HHAT: variants seen among roughly 807,000 people sequenced by gnomAD.
HHAT encodes protein-cysteine N-palmitoyltransferase HHAT.
A neutral mutation model predicts 70.8 loss-of-function variants in HHAT; 47 were observed. The ratio of observed to expected loss-of-function variants is 0.66; its 90% CI spans 0.53 to 0.85. The LOEUF (loss-of-function observed/expected upper bound fraction) is 0.85, where lower values mean the gene tolerates loss of function less well. Ranked by LOEUF, HHAT falls within the 40% of genes least tolerant of loss-of-function variation. The pLI is 0.00. For synonymous variants in HHAT, 228 were observed against 247.6 expected (o/e 0.92, Z 0.74); for missense variants, 609 against 604.8 (o/e 1.01, Z -0.07).
At chr1:210,671,731 C>T (rs2148985564) in intron 11 of HHAT, among the ~76,000 whole-genome samples, 1 of 152,328 alleles carries the variant, frequency 6.6e-6, no homozygotes, top group Middle Eastern at 3.4e-3. Flanking sequence ...TTCTGGCCTC[C>T]AGAACTAAGA....
chr1:210,465,849 TA>T (rs2094089860), intron 8 of HHAT, among the ~76,000 whole-genome samples: 1 of 152,212 alleles, frequency 6.6e-6, no homozygotes, highest in South Asian at 2.1e-4. Flanking sequence ...TTCATATGGT[TA>T]TTGCAAGGAA....
intron 9 of HHAT, among the ~76,000 whole-genome samples, chr1:210,569,753 G>A (rs1346039641): frequency 6.6e-6 from 1 of 152,120 alleles, no homozygotes; most frequent in Non-Finnish European, 1.5e-5. Flanking sequence ...GTCCCTGGGA[G>A]CCACCCCTCA....
At chr1:210,606,277 AG>A (rs1217103885) in intron 10 of HHAT, among the ~76,000 whole-genome samples, 2 of 152,066 alleles carry the variant, frequency 1.3e-5, no homozygotes, top group African/African-American at 4.8e-5. Context: ...TTGTTAATTC[AG>A]CACTCAGCAC....
intron 9 of HHAT, among the ~76,000 whole-genome samples, chr1:210,545,077 CT>C (rs201832804): frequency 5.3e-5 from 8 of 151,242 alleles, no homozygotes; most frequent in African/African-American, 1.9e-4. Context: ...ATGAGAATGG[CT>C]TTAAAAAAAA....
intron 8 of HHAT, among the ~76,000 whole-genome samples, chr1:210,494,009 T>G (rs2094592356): frequency 6.6e-6 from 1 of 152,204 alleles, no homozygotes; most frequent in African/African-American, 2.4e-5. Flanking sequence ...ATTCTTTTGT[T>G]CTTCTATTGA....
In HHAT at chr1:210,418,151, T is replaced by C. The variant is rs780273309; in HGVS notation, c.685-3T>C. The C allele has an allele frequency of 3.7e-6, 6 of 1,614,010 alleles. No individual in the cohort carries two copies. The highest frequency in any genetic ancestry group is 1.1e-5 in the South Asian group (1 of 91,074). On this transcript the variant is annotated splice_region_variant and splice_polypyrimidine_tract_variant and intron_variant, in intron 6 of 11. Coordinates refer to ENST00000261458, the MANE Select transcript of HHAT (RefSeq NM_018194.6). ...CGAATGACCTCTTTTGTTTCCACTT[T>C]AGATGCAGCAGCAGGAGCATGACTC...
chr1:210,578,023 T>G (rs190164791), intron 9 of HHAT, among the ~76,000 whole-genome samples: 20 of 152,294 alleles, frequency 1.3e-4, no homozygotes, highest in Non-Finnish European at 1.0e-4. Flanking sequence ...AGTTTGGAAG[T>G]GTTCTTTTTC....
intron 8 of HHAT, among the ~76,000 whole-genome samples, chr1:210,479,349 T>C (rs906789343): frequency 6.6e-6 from 1 of 152,170 alleles, no homozygotes; most frequent in Non-Finnish European, 1.5e-5. Context: ...GAGGAGTCCC[T>C]GCCCTCAGGG....
At chr1:210,383,778 A>G (rs1026537208) in intron 3 of HHAT, among the ~76,000 whole-genome samples, 1 of 150,936 alleles carries the variant, frequency 6.6e-6, no homozygotes, top group Non-Finnish European at 1.5e-5. Context: ...TCTCTAAAAG[A>G]TAAGGTCTGT....
At chr1:210,415,804 G>A (rs2092703503) in intron 6 of HHAT, among the ~76,000 whole-genome samples, 1 of 151,912 alleles carries the variant, frequency 6.6e-6, no homozygotes, top group Non-Finnish European at 1.5e-5. Context: ...GATTACAGGT[G>A]TCTGCCACCA....
intron 6 of HHAT, among the ~76,000 whole-genome samples, chr1:210,412,959 A>G (rs1349336757): frequency 1.3e-5 from 2 of 152,174 alleles, no homozygotes; most frequent in Non-Finnish European, 2.9e-5. Context: ...TGGGGCAGCC[A>G]AGGAGTGTGG....
At chr1:210,530,990 G>C (rs1043957107) in intron 9 of HHAT, among the ~76,000 whole-genome samples, 1 of 152,176 alleles carries the variant, frequency 6.6e-6, no homozygotes, top group Non-Finnish European at 1.5e-5. Flanking sequence ...GAAATGCATT[G>C]TTAGGCAATT....
At chr1:210,446,623 T>C (rs4845029) in intron 7 of HHAT, among the ~76,000 whole-genome samples, 84,280 of 152,040 alleles carry the variant, frequency 0.55, 23,987 homozygotes, top group Admixed American at 0.65. Context: ...TCTGTGCTCC[T>C]GCACTGTGGG....
chr1:210,371,636 T>C (rs1029172211), intron 3 of HHAT, among the ~76,000 whole-genome samples: 1 of 152,192 alleles, frequency 6.6e-6, no homozygotes, highest in Non-Finnish European at 1.5e-5. Context: ...AAATCACTTA[T>C]TAATCTGCTC....
chr1:210,587,292 A>G (rs751556583), intron 9 of HHAT, among the ~76,000 whole-genome samples: 4 of 152,184 alleles, frequency 2.6e-5, no homozygotes, highest in Non-Finnish European at 5.9e-5. Flanking sequence ...AGGAGAAGCA[A>G]AGGCACATCT....
chr1:210,388,567 T>G (rs1356400181), intron 4 of HHAT, among the ~76,000 whole-genome samples: 2 of 152,128 alleles, frequency 1.3e-5, no homozygotes, highest in Non-Finnish European at 2.9e-5. Flanking sequence ...TTTTTTGTAC[T>G]CAAGTGGCTG....
intron 2 of HHAT, among the ~76,000 whole-genome samples, chr1:210,360,556 C>A (rs1185909176): frequency 6.6e-6 from 1 of 152,034 alleles, no homozygotes; most frequent in Non-Finnish European, 1.5e-5. Flanking sequence ...GTGATCTGCC[C>A]ACCTTGGCCT....
chr1:210,459,075 A>ATGGCCCGTTTGGAAG (rs2093927228), intron 7 of HHAT, among the ~76,000 whole-genome samples: 1 of 152,186 alleles, frequency 6.6e-6, no homozygotes. Flanking sequence ...TGAGTTTAAG[A>ATGGCCCGTTTGGAAG]TGGCCCGTTT....
Position 210,555,493 on chromosome 1 carries a change from T to G in HHAT, c.1044-32405T>G, listed in dbSNP as rs569463564. On this transcript the variant is annotated intron_variant, in intron 9 of 11. Coordinates refer to ENST00000261458, the MANE Select transcript of HHAT (RefSeq NM_018194.6). ...GCCCTAGTCCTGTTAAGGGAGTTGCTGCCCATCAGTGGGAGTCTGTGGAGA... is the reference window on the plus strand; with the variant it reads ...GCCCTAGTCCTGTTAAGGGAGTTGCGGCCCATCAGTGGGAGTCTGTGGAGA... Among the ~76,000 whole-genome samples, 173 of 152,324 alleles carry G rather than the reference T, an allele frequency of 1.1e-3. 2 individuals are homozygous for G. In the South Asian group the frequency reaches 0.018, roughly 16 times the overall value.
Sources: gnomAD v4.1 joint callset for allele counts (sites outside exome capture counted in the v4.1 genomes callset) on GRCh38, gnomAD v4.1.1 for gene constraint, MANE v1.5 for transcripts, NCBI Gene and HGNC (gene_info 2026-07-23, HGNC 2026-07-21) for gene names.